The following ZNF423 variants were observed in gnomAD, a reference collection of about 807,000 sequenced individuals.
ZNF423 encodes the protein Ebf-associated zinc finger protein.
In ZNF423, 12 loss-of-function variants were observed where a neutral mutation model predicts 95.8. That is an observed-to-expected ratio of 0.13 (90% CI 0.08 to 0.20). The LOEUF is 0.20. Among genes scored for constraint, ZNF423 ranks in the 10% least tolerant of loss-of-function variants. The pLI is 1.00. For synonymous variants in ZNF423, 749 were observed against 711.9 expected (o/e 1.05, Z -0.83); for missense variants, 1,316 against 1,737.1 (o/e 0.76, Z 4.31).
chr16:49,678,294 TTTTTGTTTTGTTTTG>T (rs59840165), intron 3 of ZNF423, among the ~76,000 whole-genome samples: 33 of 111,196 alleles, frequency 3.0e-4, no homozygotes, highest in African/African-American at 8.5e-4. Context: ...AACTGTGAGG[TTTTTGTTTTGTTTTG>T]TTTTGTTTTG....
chr16:49,671,747 G>A (rs1053765591), intron 3 of ZNF423, among the ~76,000 whole-genome samples: 3 of 152,026 alleles, frequency 2.0e-5, no homozygotes, highest in Non-Finnish European at 4.4e-5. Context: ...GTGCTGGTGC[G>A]ATCTCGGCTC....
intron 5 of ZNF423, among the ~76,000 whole-genome samples, chr16:49,528,265 G>C (rs1034902919): frequency 6.6e-6 from 1 of 151,604 alleles, no homozygotes; most frequent in African/African-American, 2.4e-5. Context: ...TCCGTTCTCC[G>C]AGTGCCGAGC....
chr16:49,531,006 C>T (rs1295914731), intron 5 of ZNF423, among the ~76,000 whole-genome samples: 1 of 152,248 alleles, frequency 6.6e-6, no homozygotes, highest in African/African-American at 2.4e-5. Context: ...CCCTCCGCAT[C>T]TCCATGTTTG....
intron 5 of ZNF423, among the ~76,000 whole-genome samples, chr16:49,597,774 G>A (rs1393288839): frequency 6.6e-6 from 1 of 152,170 alleles, no homozygotes; most frequent in Non-Finnish European, 1.5e-5. Context: ...CAAGTCTACA[G>A]CTCTAAGAGG....
intron 3 of ZNF423, among the ~76,000 whole-genome samples, chr16:49,677,979 T>A: frequency 6.6e-6 from 1 of 151,928 alleles, no homozygotes; most frequent in East Asian, 1.9e-4. Flanking sequence ...GGTCAGGAGT[T>A]CAAAGCCAGC....
At chr16:49,793,232 A>G (rs2034444456) in intron 1 of ZNF423, among the ~76,000 whole-genome samples, 1 of 151,820 alleles carries the variant, frequency 6.6e-6, no homozygotes, top group Non-Finnish European at 1.5e-5. Flanking sequence ...GGCAGCAGGC[A>G]CAGAGGAAGG....
At chr16:49,678,010 C>T (rs1310889819) in intron 3 of ZNF423, among the ~76,000 whole-genome samples, 1 of 151,996 alleles carries the variant, frequency 6.6e-6, no homozygotes, top group Non-Finnish European at 1.5e-5. Flanking sequence ...TGGTGAAACC[C>T]TGTCTCTACT....
At chr16:49,844,806 G>A (rs575737955) in intron 1 of ZNF423, among the ~76,000 whole-genome samples, 1 of 152,214 alleles carries the variant, frequency 6.6e-6, no homozygotes, top group East Asian at 1.9e-4. Context: ...GGGAGGCTGA[G>A]AAGGGTGTAC....
chr16:49,561,247 C>T (rs916456855), intron 5 of ZNF423, among the ~76,000 whole-genome samples: 1 of 152,172 alleles, frequency 6.6e-6, no homozygotes, highest in African/African-American at 2.4e-5. Context: ...GGAGTATTTA[C>T]ACCACAGAAA....
chr16:49,804,980 A>G (rs1233811483), intron 1 of ZNF423, among the ~76,000 whole-genome samples: 1 of 147,076 alleles, frequency 6.8e-6, no homozygotes, highest in African/African-American at 2.5e-5. Flanking sequence ...ACTCATTGCA[A>G]CCTCCACCTC....
rs745538043 is a variant in ZNF423 at position 49,635,632 on chromosome 16, G to A, written c.3516+28C>T. On this transcript the variant is annotated intron_variant, in intron 4 of 7. Coordinates refer to ENST00000563137, the MANE Select transcript of ZNF423 (RefSeq NM_001379286.1). The surrounding 1 kb of genome is among the most constrained non-coding windows in gnomAD (Gnocchi z 4.8). ...AGAGGAGCCCCAAGGAGAGGAGCAG[G>A]GAGCAGGATGAGGTGGACTGCACTT... is the stretch of plus-strand genomic sequence containing the variant. The A allele has an allele frequency of 3.3e-6, 5 of 1,518,592 alleles. No individual in the cohort carries two copies. Among genetic ancestry groups the A allele is most frequent in the Middle Eastern group, 1.8e-4 (1 of 5,608 alleles). 94.1% of individuals were successfully genotyped at this position (1,518,592 alleles called of 1,614,324 possible).
At chr16:49,834,523 G>T (rs1434702340) in intron 1 of ZNF423, among the ~76,000 whole-genome samples, 1 of 151,694 alleles carries the variant, frequency 6.6e-6, no homozygotes, top group Non-Finnish European at 1.5e-5. Context: ...GCCAGGGCTG[G>T]GCCCTGCCCT....
At chr16:49,553,854 C>T (rs1046398809) in intron 5 of ZNF423, among the ~76,000 whole-genome samples, 1 of 152,160 alleles carries the variant, frequency 6.6e-6, no homozygotes, top group African/African-American at 2.4e-5. Flanking sequence ...ATTAGGGTTG[C>T]TCAGAAGATG....
chr16:49,786,422 G>A (rs533623773), intron 2 of ZNF423, among the ~76,000 whole-genome samples: 26 of 152,350 alleles, frequency 1.7e-4, no homozygotes, highest in South Asian at 6.2e-4. Flanking sequence ...AGAGGAAGGC[G>A]CATGAAAAGC....
At chr16:49,770,582 GA>G (rs1246762935) in intron 2 of ZNF423, among the ~76,000 whole-genome samples, 1 of 152,130 alleles carries the variant, frequency 6.6e-6, no homozygotes, top group Non-Finnish European at 1.5e-5. Context: ...GGCCCCCCCA[GA>G]AGACTCACGT....
chr16:49,679,625 G>A (rs1456198810), intron 3 of ZNF423, among the ~76,000 whole-genome samples: 2 of 152,280 alleles, frequency 1.3e-5, no homozygotes, highest in African/African-American at 4.8e-5. Flanking sequence ...CCAAGAGGGA[G>A]CTAAGGGTGG....
At chr16:49,690,556 T>C (rs2031739479) in intron 3 of ZNF423, among the ~76,000 whole-genome samples, 1 of 152,158 alleles carries the variant, frequency 6.6e-6, no homozygotes, top group South Asian at 2.1e-4. Flanking sequence ...ATTTATCTGC[T>C]TTTCTTTTCA....
intron 5 of ZNF423, among the ~76,000 whole-genome samples, chr16:49,572,884 T>G (rs2151789521): frequency 6.6e-6 from 1 of 152,312 alleles, no homozygotes; most frequent in Admixed American, 6.5e-5. Context: ...CTCAATAGTC[T>G]CTTACAGAAC....
chr16:49,545,081 G>A (rs139549093), intron 5 of ZNF423, among the ~76,000 whole-genome samples: 345 of 152,344 alleles, frequency 2.3e-3, no homozygotes, highest in African/African-American at 8.1e-3. Context: ...ATTGTCCCAC[G>A]TGGCTGATCC....
Sources: allele counts gnomAD v4.1 joint callset (sites outside exome capture counted in the v4.1 genomes callset), GRCh38; gene constraint gnomAD v4.1.1; non-coding constraint Gnocchi (gnomAD v3.1); transcripts MANE v1.5; gene names NCBI Gene and HGNC (gene_info 2026-07-23, HGNC 2026-07-21).